SLC12A8: variants seen among roughly 807,000 people sequenced by gnomAD.
SLC12A8 encodes the protein cation-chloride cotransporter 9.
In SLC12A8, 69 loss-of-function variants were observed where a neutral mutation model predicts 75.6. That is an observed-to-expected ratio of 0.91 (90% CI 0.75 to 1.11). The LOEUF (loss-of-function observed/expected upper bound fraction) is 1.11, where lower values mean the gene tolerates loss of function less well. Ranked by LOEUF, SLC12A8 falls within the 50% of genes most tolerant of loss-of-function variation. SLC12A8 has a pLI of 0.00. For synonymous variants in SLC12A8, 365 were observed against 372.8 expected (o/e 0.98, Z 0.24); for missense variants, 877 against 896.7 (o/e 0.98, Z 0.28).
chr3:125,153,204 C>A (rs995313860), intron 5 of SLC12A8, among the ~76,000 whole-genome samples: 1 of 152,206 alleles, frequency 6.6e-6, no homozygotes, highest in Non-Finnish European at 1.5e-5. Context: ...AAAGTGCAAC[C>A]GAGAGCCAAC....
chr3:125,131,842 G>GGA (rs1402554082), intron 6 of SLC12A8, among the ~76,000 whole-genome samples: 1 of 152,104 alleles, frequency 6.6e-6, no homozygotes, highest in East Asian at 1.9e-4. Context: ...TCGGGGGCAG[G>GGA]GAGAGAGAGA....
chr3:125,150,519 A>G (rs1560068412), intron 5 of SLC12A8, among the ~76,000 whole-genome samples: 2 of 152,244 alleles, frequency 1.3e-5, no homozygotes, highest in Non-Finnish European at 2.9e-5. Flanking sequence ...CCTAAAATGT[A>G]GATTACTAGT....
At position 125,083,761 on chromosome 3, in the gene SLC12A8, T is replaced by C. The variant is rs1414710075; in HGVS notation, c.*129A>G. Reference sequence around the variant, plus strand: ...AGGGAAAAGAAAATGTAGATTTCCATTGTCCAAAGTGACAGCGGGAGGATG... The same window carrying C: ...AGGGAAAAGAAAATGTAGATTTCCACTGTCCAAAGTGACAGCGGGAGGATG... On this transcript the variant is annotated 3_prime_UTR_variant, in exon 14 of 14. Transcript: ENST00000469902. 4.5e-6 allele frequency: 4 copies of C among 879,954 alleles called. No homozygotes were observed. The highest frequency in any genetic ancestry group is 6.7e-6 in the Non-Finnish European group (4 of 599,598). The allele number at this position is 879,954 out of a possible 1,614,324, so 54.5% of individuals were successfully genotyped here.
intron 5 of SLC12A8, among the ~76,000 whole-genome samples, chr3:125,141,373 C>G (rs910898934): frequency 6.6e-6 from 1 of 152,184 alleles, no homozygotes; most frequent in Non-Finnish European, 1.5e-5. Context: ...CTCGTGGGAG[C>G]CTACCCTCCT....
chr3:125,174,904 A>G (rs1934486811), intron 5 of SLC12A8, among the ~76,000 whole-genome samples: 1 of 152,222 alleles, frequency 6.6e-6, no homozygotes, highest in Admixed American at 6.5e-5. Flanking sequence ...AACATTGTAC[A>G]TTGTCAAAAT....
chr3:125,084,009 G>C lies in SLC12A8; in HGVS notation c.2026C>G (p.Leu676Val), dbSNP rs1938395293. The C allele has an allele frequency of 1.2e-6, 2 of 1,613,196 alleles. No homozygotes were observed. Among genetic ancestry groups the C allele is most frequent in the South Asian group, 2.2e-5 (2 of 90,764 alleles). Residue 676 changes from leucine (L) to valine (V), a missense_variant, in exon 14 of 14, where the codon CTG becomes GTG. By Grantham distance (32) the Leu-to-Val change is conservative. Coordinates refer to ENST00000469902, the MANE Select transcript of SLC12A8 (RefSeq NM_024628.6). Reference protein sequence around the residue: ...PQEQIILAPSLAKVDMEMTQL... With the variant: ...PQEQIILAPSVAKVDMEMTQL... The stretch of plus-strand genomic sequence containing the variant: ...GTCATCTCCATGTCAACCTTAGCCA[G>C]GGACGGCGCCAAGATGATCTGCTCC...
At chr3:125,181,324 A>G (rs6438882) in intron 4 of SLC12A8, among the ~76,000 whole-genome samples, 146,725 of 151,886 alleles carry the variant, frequency 0.97, 71,060 homozygotes, top group East Asian at 1. Context: ...AAAATAGGCC[A>G]GGCGCGGTGG....
chr3:125,107,447 A>G (rs1457788740), intron 10 of SLC12A8, 34 bp downstream of exon 10: 3 of 1,561,090 alleles, frequency 1.9e-6, no homozygotes, highest in African/African-American at 2.7e-5. Flanking sequence ...TCATCCCCAA[A>G]TAAGAGGCCC....
At chr3:125,185,359 TAAA>T (rs200494148) in intron 4 of SLC12A8, among the ~76,000 whole-genome samples, 1 of 127,076 alleles carries the variant, frequency 7.9e-6, no homozygotes, top group Non-Finnish European at 1.7e-5. Flanking sequence ...ATTCCCAGAT[TAAA>T]AAAAAAAAAA....
At chr3:125,114,768 A>T (rs1038507865) in intron 8 of SLC12A8, among the ~76,000 whole-genome samples, 2 of 152,020 alleles carry the variant, frequency 1.3e-5, no homozygotes, top group African/African-American at 4.8e-5. Flanking sequence ...TCCTTCTTAG[A>T]TTGCTCTTAT....
At chr3:125,182,647 C>T (rs2107791399) in intron 4 of SLC12A8, among the ~76,000 whole-genome samples, 1 of 149,338 alleles carries the variant, frequency 6.7e-6, no homozygotes, top group East Asian at 2.0e-4. Flanking sequence ...GCCGGGACTA[C>T]AGGTGTGCAT....
At chr3:125,118,042 C>T (rs1391991295) in intron 8 of SLC12A8, among the ~76,000 whole-genome samples, 1 of 152,246 alleles carries the variant, frequency 6.6e-6, no homozygotes, top group East Asian at 1.9e-4. Context: ...TCTGCCTGTC[C>T]AGCCTCCTTC....
At chr3:125,128,756 A>C (rs979381002) in intron 6 of SLC12A8, among the ~76,000 whole-genome samples, 1 of 152,126 alleles carries the variant, frequency 6.6e-6, no homozygotes, top group Admixed American at 6.5e-5. Flanking sequence ...GTCCTTAAAC[A>C]TGGGAACCCC....
chr3:125,097,530 G>T (rs1479651228), intron 10 of SLC12A8, among the ~76,000 whole-genome samples: 4 of 398 alleles, frequency 0.01, no homozygotes, highest in Non-Finnish European at 0.017. Flanking sequence ...AAAGGGAATT[G>T]TGTGTGTGTG....
chr3:125,097,398 AAAG>A (rs1276738205), intron 10 of SLC12A8, among the ~76,000 whole-genome samples: 8 of 152,280 alleles, frequency 5.3e-5, no homozygotes, highest in Non-Finnish European at 7.4e-5. Context: ...CAAAAAAAAA[AAAG>A]AAGAAGAAAC....
chr3:125,177,181 T>A (rs991400247), intron 5 of SLC12A8, among the ~76,000 whole-genome samples: 17 of 151,952 alleles, frequency 1.1e-4, no homozygotes, highest in Non-Finnish European at 2.5e-4. Flanking sequence ...TGTAGGGACA[T>A]GGATGAAGCT....
At chr3:125,140,395 G>C in intron 5 of SLC12A8, among the ~76,000 whole-genome samples, 1 of 152,254 alleles carries the variant, frequency 6.6e-6, no homozygotes, top group East Asian at 1.9e-4. Context: ...CAGAAGCCAG[G>C]CCTCTCTCCA....
At chr3:125,190,675 A>G (rs759399318) in intron 2 of SLC12A8, 154 bp from the exon 3 acceptor site, 121 of 771,428 alleles carry the variant, frequency 1.6e-4, no homozygotes, top group Non-Finnish European at 2.5e-4. Context: ...ACACACATGC[A>G]TGCACATACA....
intron 5 of SLC12A8, among the ~76,000 whole-genome samples, chr3:125,154,451 A>G (rs1464172): frequency 0.44 from 67,135 of 151,986 alleles, 15,265 homozygotes; most frequent in Non-Finnish European, 0.48. Context: ...TCTCATCTTT[A>G]TCATGGGGAC....
Sources: allele counts gnomAD v4.1 joint callset (sites outside exome capture counted in the v4.1 genomes callset), GRCh38; gene constraint gnomAD v4.1.1; transcripts MANE v1.5; gene names NCBI Gene and HGNC (gene_info 2026-07-23, HGNC 2026-07-21).